Variants in IL1RAPL1 observed in about 807,000 individuals in gnomAD.
IL1RAPL1 encodes interleukin-1 receptor accessory protein-like 1.
In IL1RAPL1, 3 loss-of-function variants were observed where a neutral mutation model predicts 48.4. The observed-to-expected ratio is 0.06, with a 90% CI of 0.03 to 0.16. The LOEUF is 0.16. IL1RAPL1 is among the 10% of genes least tolerant of loss of function. IL1RAPL1 has a pLI of 1.00. For missense variants in IL1RAPL1, 349 were observed against 530.6 expected, an observed-to-expected ratio of 0.66 and a Z score of 3.36; for synonymous variants, 185 against 187.7, an observed-to-expected ratio of 0.99 and a Z score of 0.12.
intron 6 of IL1RAPL1, among the ~76,000 whole-genome samples, chrX:29,752,133 T>G (rs185499940): frequency 1.7e-3 from 170 of 100,817 alleles, no homozygotes; most frequent in African/African-American, 6.0e-3. Context: ...GTCCCACAGA[T>G]GTACAAATTT....
At chrX:29,340,107 T>C in intron 3 of IL1RAPL1, among the ~76,000 whole-genome samples, 1 of 112,368 alleles carries the variant, frequency 8.9e-6, no homozygotes, top group Non-Finnish European at 1.9e-5. Flanking sequence ...CAATATTCTT[T>C]GTTTCCTTCT....
chrX:29,329,917 A>G lies in IL1RAPL1; in HGVS notation c.362+46700A>G, dbSNP rs182138699. Among the ~76,000 whole-genome samples the G allele has an allele frequency of 4.6e-3, 518 of 111,540 alleles. 2 individuals are homozygous for G. The highest frequency in any genetic ancestry group is 0.016 in the African/African-American group (498 of 30,702). On this transcript the variant is annotated intron_variant, in intron 3 of 10. Transcript: ENST00000378993. ...GGCAGCTATTATTAAAAGACCACAT[A>G]TTATTCAATTTATGTGAAATGTTCA...
chrX:28,968,678 G>A (rs1035884101), intron 2 of IL1RAPL1, among the ~76,000 whole-genome samples: 1 of 112,490 alleles, frequency 8.9e-6, no homozygotes, highest in Non-Finnish European at 1.9e-5. Context: ...AAATATGGAA[G>A]CAATGCTCAA....
intron 6 of IL1RAPL1, among the ~76,000 whole-genome samples, chrX:29,893,659 C>T (rs768792862): frequency 9.0e-6 from 1 of 111,536 alleles, no homozygotes; most frequent in East Asian, 2.8e-4. Context: ...ATTGTTTGTA[C>T]TGAGATATAC....
intron 3 of IL1RAPL1, among the ~76,000 whole-genome samples, chrX:29,340,375 A>C (rs893181432): frequency 3.6e-5 from 4 of 111,330 alleles, no homozygotes; most frequent in African/African-American, 9.8e-5. Flanking sequence ...GCAATTACCA[A>C]TCTACATTCT....
chrX:29,709,241 CTA>C (rs770702253), intron 6 of IL1RAPL1, among the ~76,000 whole-genome samples: 28 of 111,651 alleles, frequency 2.5e-4, no homozygotes, highest in African/African-American at 8.8e-4. Flanking sequence ...TGTTTTTCCC[CTA>C]TGTTTTCTGC....
intron 1 of IL1RAPL1, among the ~76,000 whole-genome samples, chrX:28,746,662 AT>A (rs1171109872): frequency 8.9e-6 from 1 of 111,967 alleles, no homozygotes; most frequent in Non-Finnish European, 1.9e-5. Flanking sequence ...TAAAATAGTT[AT>A]TATGCCTTAT....
rs551017371 is a variant in IL1RAPL1 at position 28,999,521 on chromosome X, A to C, written c.82+210096A>C. On this transcript the variant is annotated intron_variant, in intron 2 of 10. Coordinates refer to ENST00000378993, the MANE Select transcript of IL1RAPL1 (RefSeq NM_014271.4). ...CTGTGTCTTTTATTTTAACCCCAGC[A>C]GTTTATTTTCTTGCTTTTCAAAATC... Among the ~76,000 whole-genome samples, 38 of 111,456 alleles carry C rather than the reference A, an allele frequency of 3.4e-4. 1 individual carries two copies. The South Asian group carries it at 0.014, about 41-fold the overall frequency.
chrX:28,943,747 A>G (rs1035872341), intron 2 of IL1RAPL1, among the ~76,000 whole-genome samples: 2 of 111,024 alleles, frequency 1.8e-5, no homozygotes, highest in Non-Finnish European at 3.8e-5. Context: ...CTATTCAAAG[A>G]TCTAATGAAA....
At chrX:29,523,298 G>A (rs963998588) in intron 5 of IL1RAPL1, among the ~76,000 whole-genome samples, 1 of 111,107 alleles carries the variant, frequency 9.0e-6, no homozygotes, top group Admixed American at 9.6e-5. Flanking sequence ...TTCTTAATGT[G>A]CAATCTGATC....
Position 29,902,455 on chromosome X carries a change from A to G in IL1RAPL1, c.779-15009A>G, listed in dbSNP as rs111547438. 1.4e-3 allele frequency among the ~76,000 whole-genome samples: 152 copies of G among 110,947 alleles called. 2 individuals are homozygous for G. The highest frequency in any genetic ancestry group is 4.7e-3 in the African/African-American group (145 of 30,546). ...TCTCAGGCCCTTTTCCTTCAAGTGA[A>G]TAAGATTTCCTCTCTATTCTAGAGG... On this transcript the variant is annotated intron_variant, in intron 6 of 10. Transcript: ENST00000378993.
chrX:29,418,156 G>C (rs1364158971), intron 5 of IL1RAPL1, among the ~76,000 whole-genome samples: 1 of 68,239 alleles, frequency 1.5e-5, no homozygotes, highest in Non-Finnish European at 2.5e-5. Context: ...ATGGAGTCTT[G>C]CTCTGTCGCC....
At chrX:29,762,244 T>C (rs960376481) in intron 6 of IL1RAPL1, among the ~76,000 whole-genome samples, 11 of 111,804 alleles carry the variant, frequency 9.8e-5, no homozygotes, top group Non-Finnish European at 1.9e-4. Context: ...TCCCATGATA[T>C]TGTAAATGCT....
rs138309115 is a variant in IL1RAPL1 at position 28,964,608 on chromosome X, T to C, written c.82+175183T>C. On this transcript the variant is annotated intron_variant, in intron 2 of 10. Transcript: ENST00000378993. ...GGTATGTGCAGTTTGTTTCTAGATA[T>C]TTCCAAATTATTCCCCCAATTTTTA... Among the ~76,000 whole-genome samples the C allele has an allele frequency of 1.4e-3, 153 of 112,011 alleles. 2 individuals are homozygous for C. Among genetic ancestry groups the C allele is most frequent in the African/African-American group, 4.7e-3 (146 of 30,954 alleles).
chrX:28,734,914 T>C (rs914850628), intron 1 of IL1RAPL1, among the ~76,000 whole-genome samples: 1 of 112,209 alleles, frequency 8.9e-6, no homozygotes, highest in Non-Finnish European at 1.9e-5. Flanking sequence ...TTATGCAAGA[T>C]ACCTGCATGA....
chrX:28,937,516 A>G (rs1197140847), intron 2 of IL1RAPL1, among the ~76,000 whole-genome samples: 1 of 111,467 alleles, frequency 9.0e-6, no homozygotes, highest in Non-Finnish European at 1.9e-5. Context: ...CAGGAAGAGG[A>G]GAGAAGGTGT....
chrX:29,684,209 C>A (rs954752996), intron 6 of IL1RAPL1, among the ~76,000 whole-genome samples: 2 of 111,642 alleles, frequency 1.8e-5, no homozygotes, highest in African/African-American at 6.5e-5. Flanking sequence ...ATTAATTTCT[C>A]ACAGTTCTGG....
chrX:28,947,401 G>C (rs1033531215), intron 2 of IL1RAPL1, among the ~76,000 whole-genome samples: 1 of 111,324 alleles, frequency 9.0e-6, no homozygotes, highest in Non-Finnish European at 1.9e-5. Flanking sequence ...AGTGCCATGA[G>C]AGGTACAAAG....
chrX:28,803,453 A>G (rs991050822), intron 2 of IL1RAPL1, among the ~76,000 whole-genome samples: 3 of 111,845 alleles, frequency 2.7e-5, no homozygotes, highest in African/African-American at 9.7e-5. Flanking sequence ...TTGAAAAAGC[A>G]GTTACTTTTA....
Sources: allele counts gnomAD v4.1 joint callset (sites outside exome capture counted in the v4.1 genomes callset), GRCh38; gene constraint gnomAD v4.1.1; transcripts MANE v1.5; gene names NCBI Gene and HGNC (gene_info 2026-07-23, HGNC 2026-07-21).